Variants in ZFPM2 observed in about 807,000 individuals in gnomAD.
The protein encoded by ZFPM2 is zinc finger protein, FOG family member 2.
ZFPM2 carries 20 observed loss-of-function variants against 98.6 expected under a neutral mutation model. The ratio of observed to expected loss-of-function variants is 0.20; its 90% CI spans 0.14 to 0.29. The LOEUF is 0.29. ZFPM2 is among the 10% of genes least tolerant of loss of function. The probability of loss-of-function intolerance (pLI) is 1.00; values close to 1 mark genes in which losing one functional copy is unlikely to be tolerated. For missense variants in ZFPM2, 1,310 were observed against 1,388.6 expected (o/e 0.94, Z 0.90); for synonymous variants, 518 against 502.7 (o/e 1.03, Z -0.41).
At chr8:105,448,573 A>G (rs539633449) in intron 3 of ZFPM2, among the ~76,000 whole-genome samples, 70 of 152,086 alleles carry the variant, frequency 4.6e-4, no homozygotes, top group African/African-American at 1.6e-3. Context: ...CATGTACCAT[A>G]TTTGAGTCAC....
chr8:105,482,260 A>AT (rs1239303143), intron 3 of ZFPM2, among the ~76,000 whole-genome samples: 9 of 152,130 alleles, frequency 5.9e-5, no homozygotes, highest in East Asian at 5.8e-4. Flanking sequence ...CTTAATAGTG[A>AT]TTTTTTTGGC....
intron 3 of ZFPM2, among the ~76,000 whole-genome samples, chr8:105,513,670 C>G (rs1352900041): frequency 6.6e-6 from 1 of 152,202 alleles, no homozygotes; most frequent in Non-Finnish European, 1.5e-5. Context: ...CTGCATTCTT[C>G]AAGTATTTGA....
At chr8:105,699,768 T>C (rs1811098874) in intron 5 of ZFPM2, among the ~76,000 whole-genome samples, 1 of 152,030 alleles carries the variant, frequency 6.6e-6, no homozygotes, top group African/African-American at 2.4e-5. Context: ...TTTGATTACA[T>C]TGAAAAAAAT....
intron 4 of ZFPM2, among the ~76,000 whole-genome samples, chr8:105,594,639 C>T (rs1471813294): frequency 6.6e-6 from 1 of 152,038 alleles, no homozygotes; most frequent in Non-Finnish European, 1.5e-5. Context: ...TTCAGACACT[C>T]CTCAAAAAGC....
At chr8:105,600,158 T>A (rs1359262129) in intron 4 of ZFPM2, among the ~76,000 whole-genome samples, 1 of 152,158 alleles carries the variant, frequency 6.6e-6, no homozygotes, top group African/African-American at 2.4e-5. Context: ...ATAGTATTCC[T>A]GTTGATTTTA....
At chr8:105,492,240 C>A (rs764731105) in intron 3 of ZFPM2, among the ~76,000 whole-genome samples, 13 of 152,156 alleles carry the variant, frequency 8.5e-5, no homozygotes, top group Non-Finnish European at 1.6e-4. Context: ...TCCACAACTG[C>A]ATCCATTGTT....
At chr8:105,501,180 TTC>T (rs71577977) in intron 3 of ZFPM2, among the ~76,000 whole-genome samples, 10,627 of 145,254 alleles carry the variant, frequency 0.073, 355 homozygotes, top group East Asian at 0.15. Flanking sequence ...GAATTTACTT[TTC>T]TCTTTTTTTT....
chr8:105,612,131 AG>A (rs1296238577), intron 4 of ZFPM2, among the ~76,000 whole-genome samples: 18 of 152,192 alleles, frequency 1.2e-4, no homozygotes, highest in Non-Finnish European at 2.6e-4. Context: ...TTACTCATTA[AG>A]AACTGGGTAA....
intron 5 of ZFPM2, among the ~76,000 whole-genome samples, chr8:105,759,580 T>TTGTGTGTGTGTGTGTGTGTG (rs5893760): frequency 6.8e-6 from 1 of 146,978 alleles, no homozygotes; most frequent in Admixed American, 6.8e-5. Context: ...TTGATAATCC[T>TTGTGTGTGTGTGTGTGTGTG]TGTGTGTGTG....
intron 2 of ZFPM2, among the ~76,000 whole-genome samples, chr8:105,437,632 C>T (rs1812151152): frequency 1.3e-5 from 2 of 152,212 alleles, no homozygotes; most frequent in Non-Finnish European, 2.9e-5. Context: ...ACTCTTACCT[C>T]ATTGAACTAT....
At chr8:105,545,823 A>T (rs1014166526) in intron 3 of ZFPM2, among the ~76,000 whole-genome samples, 2 of 152,190 alleles carry the variant, frequency 1.3e-5, no homozygotes, top group Non-Finnish European at 2.9e-5. Flanking sequence ...CCATTGTTTT[A>T]AATATGGTTG....
chr8:105,647,353 T>C (rs935804924), intron 5 of ZFPM2, among the ~76,000 whole-genome samples: 6 of 152,160 alleles, frequency 3.9e-5, no homozygotes, highest in African/African-American at 1.2e-4. Flanking sequence ...TTCACTTCCT[T>C]AGTAGGAAGC....
At chr8:105,793,741 G>A (rs2131152364) in intron 6 of ZFPM2, among the ~76,000 whole-genome samples, 1 of 151,936 alleles carries the variant, frequency 6.6e-6, no homozygotes, top group East Asian at 1.9e-4. Flanking sequence ...CGTAGATTTG[G>A]TCTTTTCACA....
chr8:105,395,387 T>C (rs1811199632), intron 1 of ZFPM2, among the ~76,000 whole-genome samples: 1 of 152,216 alleles, frequency 6.6e-6, no homozygotes, highest in Admixed American at 6.5e-5. Flanking sequence ...AAGGGGGTCA[T>C]TTAATTCTTA....
At chr8:105,606,764 A>G (rs1816205503) in intron 4 of ZFPM2, among the ~76,000 whole-genome samples, 2 of 152,114 alleles carry the variant, frequency 1.3e-5, no homozygotes, top group African/African-American at 4.8e-5. Context: ...GCTTAAAGAA[A>G]GTTTGTCCAA....
At chr8:105,494,551 T>TA in intron 3 of ZFPM2, among the ~76,000 whole-genome samples, 1 of 152,116 alleles carries the variant, frequency 6.6e-6, no homozygotes, top group Non-Finnish European at 1.5e-5. Flanking sequence ...AGTGTCTTGT[T>TA]ACTCCATCTA....
chr8:105,774,889 G>A (rs1001547849), intron 5 of ZFPM2, among the ~76,000 whole-genome samples: 2 of 151,938 alleles, frequency 1.3e-5, no homozygotes, highest in African/African-American at 4.8e-5. Context: ...AAACCTCTAA[G>A]TGCTTGAGGG....
chr8:105,739,667 T>C (rs924140336), intron 5 of ZFPM2, among the ~76,000 whole-genome samples: 2 of 151,964 alleles, frequency 1.3e-5, no homozygotes, highest in African/African-American at 4.8e-5. Context: ...TGTTGATTCC[T>C]TTCATTGCTC....
At chr8:105,687,415 C>G (rs1810766715) in intron 5 of ZFPM2, among the ~76,000 whole-genome samples, 1 of 152,144 alleles carries the variant, frequency 6.6e-6, no homozygotes, top group Non-Finnish European at 1.5e-5. Context: ...AAACCCACTG[C>G]CATATATTTA....
Sources: allele counts gnomAD v4.1 joint callset (sites outside exome capture counted in the v4.1 genomes callset), GRCh38; gene constraint gnomAD v4.1.1; transcripts MANE v1.5; gene names NCBI Gene and HGNC (gene_info 2026-07-23, HGNC 2026-07-21).